LDLRAD1: variants seen among roughly 807,000 people sequenced by gnomAD.
The protein encoded by LDLRAD1 is low density lipoprotein receptor class A domain containing 1, also known as low-density lipoprotein receptor class A domain-containing protein 1.
A neutral mutation model predicts 24.8 loss-of-function variants in LDLRAD1; 17 were observed. That is an observed-to-expected ratio of 0.69 (90% CI 0.47 to 1.03). The LOEUF (loss-of-function observed/expected upper bound fraction) is 1.03, where lower values mean the gene tolerates loss of function less well. Ranked by LOEUF, LDLRAD1 falls within the 50% of genes least tolerant of loss-of-function variation. The pLI, the probability that LDLRAD1 is intolerant of heterozygous loss-of-function variation, is 0.00. For missense variants in LDLRAD1, 277 were observed against 271.0 expected (o/e 1.02, Z -0.16); for synonymous variants, 103 against 108.2 (o/e 0.95, Z 0.30).
At chr1:54,017,862 C>CG (rs946865722) in intron 1 of LDLRAD1, among the ~76,000 whole-genome samples, 1 of 152,104 alleles carries the variant, frequency 6.6e-6, no homozygotes, top group African/African-American at 2.4e-5. Flanking sequence ...CGGGGCAGGA[C>CG]GGGGGCTGAT....
intron 2 of LDLRAD1, among the ~76,000 whole-genome samples, chr1:54,017,083 G>C (rs906719310): frequency 2.6e-5 from 4 of 152,208 alleles, no homozygotes; most frequent in Non-Finnish European, 5.9e-5. Flanking sequence ...ATTTGACGCT[G>C]GTGCTCTTTT....
chr1:54,014,677 A>T (rs1656223498), intron 2 of LDLRAD1, among the ~76,000 whole-genome samples: 1 of 150,358 alleles, frequency 6.7e-6, no homozygotes, highest in African/African-American at 2.4e-5. Context: ...GGACGCCTGC[A>T]TGTCCAGCCC....
intron 2 of LDLRAD1, 71 bp downstream of exon 2, chr1:54,017,305 G>T: frequency 1.5e-6 from 2 of 1,301,550 alleles, no homozygotes; most frequent in Non-Finnish European, 2.2e-6. Context: ...CCCTCCTCAT[G>T]TCTCTATCGC....
chr1:54,012,915 C>T (rs1006974636), intron 3 of LDLRAD1, among the ~76,000 whole-genome samples: 6 of 152,292 alleles, frequency 3.9e-5, no homozygotes, highest in African/African-American at 7.2e-5. Flanking sequence ...CAGAAACCTA[C>T]GGACAAGGTA....
intron 5 of LDLRAD1, 123 bp from the exon 6 acceptor site, chr1:54,009,253 T>C (rs1655947223): frequency 4.7e-6 from 4 of 850,616 alleles, no homozygotes; most frequent in Middle Eastern, 3.7e-4. Context: ...CTGACGTGAG[T>C]TGAGTGTGTT....
In LDLRAD1 at chr1:54,010,381, G is replaced by C; in HGVS notation, c.370C>G (p.Leu124Val). 1 of 1,614,074 alleles carries C rather than the reference G, an allele frequency of 6.2e-7. No individual in the cohort carries two copies. The highest frequency in any genetic ancestry group is 8.5e-7 in the Non-Finnish European group (1 of 1,180,012). ...GCCGGGTCTCCACAGTGGGCCACAA[G>C]GAAGTGGGGGAGGCTCTGGGGCACA... ...RDVPQSLPHF[L>V]VAHCGDPASW... is the part of the protein sequence containing the mutation. The change falls in exon 5 of 6, where the codon CTT (leucine) becomes GTT (valine). Residue 124 changes from leucine (L) to valine (V), a missense_variant. Coordinates refer to ENST00000371360, the MANE Select transcript of LDLRAD1 (RefSeq NM_001010978.4).
intron 3 of LDLRAD1, among the ~76,000 whole-genome samples, chr1:54,013,791 C>A (rs1456825232): frequency 6.6e-6 from 1 of 152,182 alleles, no homozygotes; most frequent in Non-Finnish European, 1.5e-5. Flanking sequence ...TCCTTGAAGG[C>A]AGGCACTGTG....
At chr1:54,012,339 T>G (rs1040729097) in intron 3 of LDLRAD1, 59 bp from the exon 4 acceptor site, 1 of 1,587,882 alleles carries the variant, frequency 6.3e-7, no homozygotes, top group Non-Finnish European at 8.6e-7. Flanking sequence ...GGACAAACCT[T>G]CCTCACCTGA....
rs1656172525 is a variant in LDLRAD1 at position 54,013,876 on chromosome 1, G to A, written c.202+360C>T. ...CACCCGGTCCCCTGTGGTGGAGATG[G>A]GCACACAGTTGGATAGCACCACCCC... On this transcript the variant is annotated intron_variant, in intron 3 of 5. Transcript: ENST00000371360. 2.0e-5 allele frequency among the ~76,000 whole-genome samples: 3 copies of A among 152,016 alleles called. No homozygotes were observed. In the South Asian group the frequency reaches 6.2e-4, roughly 32 times the overall value.
intron 2 of LDLRAD1, 125 bp downstream of exon 2, chr1:54,017,251 G>A (rs1349681710): frequency 2.8e-5 from 21 of 741,830 alleles, no homozygotes; most frequent in Non-Finnish European, 4.1e-5. Flanking sequence ...AGCAGACAAC[G>A]TTAACATGGA....
intron 2 of LDLRAD1, among the ~76,000 whole-genome samples, chr1:54,016,506 A>T (rs182737629): frequency 6.6e-6 from 1 of 152,212 alleles, no homozygotes; most frequent in Admixed American, 6.5e-5. Context: ...GAAAGCCCTT[A>T]GGTGCCAGTC....
chr1:54,008,877 ATT>A lies in LDLRAD1; in HGVS notation c.*103_*104del. 2.2e-6 allele frequency: 2 copies of A among 896,194 alleles called. No homozygotes were observed. The highest frequency in any genetic ancestry group is 3.1e-5 in the South Asian group (1 of 32,012). The allele number at this position is 896,194 out of a possible 1,614,324, so 55.5% of individuals were successfully genotyped here. ...TATTCAGAAATGATGTGTAGATCCC[ATT>A]TCAAAGGCTGCTTCCTGCCCTTGTG... On this transcript the variant is annotated 3_prime_UTR_variant, in exon 6 of 6. Transcript: ENST00000371360.
rs1308234972 is a variant in LDLRAD1 at position 54,008,906 on chromosome 1, G to T, written c.*76C>A. 1.1e-5 allele frequency: 15 copies of T among 1,388,210 alleles called. No homozygotes were observed. Among genetic ancestry groups the T allele is most frequent in the East Asian group, 2.4e-5 (1 of 42,258 alleles). 86.0% of individuals were successfully genotyped at this position (1,388,210 alleles called of 1,614,324 possible). A position where few individuals can be genotyped will look rare whatever the true frequency, so the allele number is the denominator to read the frequency against. ...CAAAGGCTGCTTCCTGCCCTTGTGC[G>T]CTAGGATTTGATTTTCATGTGAAGG... On this transcript the variant is annotated 3_prime_UTR_variant, in exon 6 of 6. Coordinates refer to ENST00000371360, the MANE Select transcript of LDLRAD1 (RefSeq NM_001010978.4).
At position 54,007,862 on chromosome 1, in the gene LDLRAD1, C is replaced by G. The variant is rs982049136; in HGVS notation, c.*1120G>C. On this transcript the variant is annotated 3_prime_UTR_variant, in exon 6 of 6. Transcript: ENST00000371360. ...GGCTGTATTTGGGTTCCAGTTCCAGCGCTGACTTTGCTCTATGATTCTGGA... is the reference window on the plus strand; with the variant it reads ...GGCTGTATTTGGGTTCCAGTTCCAGGGCTGACTTTGCTCTATGATTCTGGA... The G allele has an allele frequency of 2.0e-5, 3 of 152,238 alleles. No homozygotes were observed. Among genetic ancestry groups the G allele is most frequent in the Admixed American group, 2.0e-4 (3 of 15,276 alleles). 9.4% of individuals were successfully genotyped at this position (152,238 alleles called of 1,614,324 possible).
chr1:54,009,664 G>A (rs1165210401), intron 5 of LDLRAD1, among the ~76,000 whole-genome samples: 3 of 152,170 alleles, frequency 2.0e-5, no homozygotes, highest in Non-Finnish European at 4.4e-5. Context: ...AGTCCTGGGG[G>A]TAGGACACAT....
chr1:54,017,278 A>G lies in LDLRAD1; in HGVS notation c.73+98T>C, dbSNP rs1285833215. ...TAACATGGAGGCAGAGGTCTGAGGG[A>G]CAGTGGGAGCCTTGAACCCTCCTCA... On this transcript the variant is annotated intron_variant, in intron 2 of 5. Coordinates refer to ENST00000371360, the MANE Select transcript of LDLRAD1 (RefSeq NM_001010978.4). The G allele has an allele frequency of 6.3e-6, 6 of 945,882 alleles. No individual in the cohort carries two copies. In the African/African-American group the frequency reaches 6.6e-5, roughly 10 times the overall value. 58.6% of individuals were successfully genotyped at this position (945,882 alleles called of 1,614,324 possible). A position where few individuals can be genotyped will look rare whatever the true frequency, so the allele number is the denominator to read the frequency against.
At chr1:54,014,733 T>A (rs1226236296) in intron 2 of LDLRAD1, among the ~76,000 whole-genome samples, 12 of 152,224 alleles carry the variant, frequency 7.9e-5, no homozygotes, top group Admixed American at 7.8e-4. Context: ...AAGCGTGCTT[T>A]ATTTTTCAAA....
At chr1:54,010,440 G>T in intron 4 of LDLRAD1, 30 bp from the exon 5 acceptor site, 2 of 1,612,350 alleles carry the variant, frequency 1.2e-6, no homozygotes, top group Non-Finnish European at 1.7e-6. Context: ...GCAGGAAGAA[G>T]TCCACATCTG....
rs1656208360 is a variant in LDLRAD1, at chr1:54,014,382, A to T, written c.74-18T>A. ...GCCGCCTGCTGTGTGGGGGGGAAAC[A>T]AGCCCGGGGGTGGTGGTGATAGGGG... On this transcript the variant is annotated intron_variant, in intron 2 of 5. Transcript: ENST00000371360. 8.7e-7 allele frequency: 1 copy of T among 1,142,906 alleles called. No homozygotes were observed. 70.8% of individuals were successfully genotyped at this position (1,142,906 alleles called of 1,614,324 possible). A position where few individuals can be genotyped will look rare whatever the true frequency, so the allele number is the denominator to read the frequency against.
Sources: allele counts gnomAD v4.1 joint callset (sites outside exome capture counted in the v4.1 genomes callset), GRCh38; gene constraint gnomAD v4.1.1; transcripts MANE v1.5; gene names NCBI Gene and HGNC (gene_info 2026-07-23, HGNC 2026-07-21).